Variants in MYH15 observed in about 807,000 individuals in gnomAD.
MYH15 encodes the protein myosin-15.
In MYH15, 227 loss-of-function variants were observed where a neutral mutation model predicts 240.5. The observed-to-expected ratio is 0.94, with a 90% CI of 0.85 to 1.05. MYH15 has a LOEUF of 1.05. Ranked by LOEUF, MYH15 falls within the 50% of genes least tolerant of loss-of-function variation. The pLI, the probability that MYH15 is intolerant of heterozygous loss-of-function variation, is 0.00. For synonymous variants in MYH15, 785 were observed against 796.7 expected (o/e 0.99, Z 0.25); for missense variants, 2,217 against 2,247.5 (o/e 0.99, Z 0.27).
At chr3:108,419,572 T>C (rs1487556219) in intron 28 of MYH15, among the ~76,000 whole-genome samples, 1 of 152,222 alleles carries the variant, frequency 6.6e-6, no homozygotes, top group African/African-American at 2.4e-5. Flanking sequence ...GGAGTCTACA[T>C]ACCAACTAAA....
At position 108,505,838 on chromosome 3, in the gene MYH15, C is replaced by CAA. The variant is rs55971936; in HGVS notation, c.89-11_89-10dup. ...CCAGCATTTCTTCTTCCCTGTAGAG[C>CAA]AAAAAAAAAAAAAAATGGATTATAG... is the stretch of plus-strand genomic sequence containing the variant. On this transcript the variant is annotated splice_polypyrimidine_tract_variant and intron_variant, in intron 1 of 40. Coordinates refer to ENST00000693548, the MANE Select transcript of MYH15 (RefSeq NM_014981.3). The CAA allele has an allele frequency of 0.05, 63,973 of 1,268,166 alleles. 1,928 individuals are homozygous for CAA. Among genetic ancestry groups the CAA allele is most frequent in the East Asian group, 0.3 (11,089 of 36,666 alleles). 78.6% of individuals were successfully genotyped at this position (1,268,166 alleles called of 1,614,324 possible).
chr3:108,469,782 G>A (rs890057863), intron 14 of MYH15, among the ~76,000 whole-genome samples: 1 of 152,180 alleles, frequency 6.6e-6, no homozygotes, highest in Non-Finnish European at 1.5e-5. Flanking sequence ...TTCCGCTCAC[G>A]TTAACAGTGG....
chr3:108,427,807 G>C (rs1035400410), intron 27 of MYH15, among the ~76,000 whole-genome samples: 2 of 152,206 alleles, frequency 1.3e-5, no homozygotes, highest in African/African-American at 2.4e-5. Flanking sequence ...GTCAGGCCAT[G>C]TCTTTCCCAG....
chr3:108,472,720 G>A (rs556971276), intron 12 of MYH15, among the ~76,000 whole-genome samples: 14 of 152,276 alleles, frequency 9.2e-5, no homozygotes, highest in Non-Finnish European at 2.1e-4. Flanking sequence ...AGAAACACAA[G>A]AAGAAAGCCT....
chr3:108,509,474 T>C (rs2083505477), intron 1 of MYH15, among the ~76,000 whole-genome samples: 1 of 152,184 alleles, frequency 6.6e-6, no homozygotes, highest in Non-Finnish European at 1.5e-5. Context: ...TAGCCTAAAA[T>C]CCAATCACAG....
At chr3:108,447,619 T>C (rs1279667353) in intron 21 of MYH15, among the ~76,000 whole-genome samples, 1 of 151,644 alleles carries the variant, frequency 6.6e-6, no homozygotes, top group East Asian at 1.9e-4. Context: ...AGAAATACTG[T>C]ATCCAGCAAG....
chr3:108,408,407 G>A lies in MYH15; in HGVS notation c.4496-3C>T. On this transcript the variant is annotated splice_polypyrimidine_tract_variant and splice_region_variant and intron_variant, in intron 31 of 40. Transcript: ENST00000693548. ...GTTTGTCAGATTAGAAATCTCTTCT[G>A]GAGACAGAGGTAAGAAAAACAAAGT... 2 of 1,604,822 alleles carry A rather than the reference G, an allele frequency of 1.2e-6. No individual in the cohort carries two copies. Among genetic ancestry groups the A allele is most frequent in the East Asian group, 2.2e-5 (1 of 44,790 alleles).
chr3:108,389,847 G>T (rs1039923805), intron 37 of MYH15, among the ~76,000 whole-genome samples: 1 of 152,070 alleles, frequency 6.6e-6, no homozygotes, highest in Non-Finnish European at 1.5e-5. Context: ...TCTCCTTGAC[G>T]CCAATGCCAC....
the MYH15 span, among the ~76,000 whole-genome samples, chr3:108,547,080 C>CATATAT: frequency 5.2e-3 from 778 of 148,952 alleles, 6 homozygotes; most frequent in African/African-American, 0.018. Flanking sequence ...AAAAATAGGC[C>CATATAT]ATATATATAT....
chr3:108,518,642 T>G lies in MYH15; in HGVS notation c.-57-8055A>C, dbSNP rs2083592825. Among the ~76,000 whole-genome samples the G allele has an allele frequency of 9.9e-5, 15 of 152,278 alleles. No homozygotes were observed. In the South Asian group the frequency reaches 3.1e-3, roughly 32 times the overall value. ...GTCTCATCCCCAGGCCTGACCTGGCTGGGGCACTACTAGTAGATGCCAACA... is the reference window on the plus strand; with the variant it reads ...GTCTCATCCCCAGGCCTGACCTGGCGGGGGCACTACTAGTAGATGCCAACA... On this transcript the variant is annotated intron_variant, in intron 1 of 41. Coordinates refer to the MYH15 transcript ENST00000273353.
rs956051156 is a variant in MYH15 at position 108,444,708 on chromosome 3, C to T, written c.2587G>A (p.Glu863Lys). The T allele has an allele frequency of 1.9e-6, 3 of 1,613,852 alleles. No individual in the cohort carries two copies. The highest frequency in any genetic ancestry group is 1.7e-5 in the Admixed American group (1 of 59,978). The change falls in exon 22 of 41, where the codon GAG (glutamate) becomes AAG (lysine). Residue 863 changes from glutamate to lysine, a missense_variant. By Grantham distance (56) the Glu-to-Lys change is moderately conservative (BLOSUM62 1). Transcript: ENST00000693548. ...KALEKSEFQREELKAKQVSLT... is the reference protein window; with the variant it reads ...KALEKSEFQRKELKAKQVSLT... ...GATACTTGCTTTGCTTTCAGTTCCT[C>T]CCTCTGAAACTCTGATTTCTCCAAG...
upstream of MYH15, among the ~76,000 whole-genome samples, chr3:108,511,012 G>T (rs2083518953): frequency 1.3e-5 from 2 of 152,084 alleles, no homozygotes; most frequent in Admixed American, 1.3e-4. Context: ...AGAAGTGCCT[G>T]TAGTCAGTGA....
chr3:108,492,913 G>C (rs1234028543), intron 8 of MYH15, among the ~76,000 whole-genome samples: 1 of 151,754 alleles, frequency 6.6e-6, no homozygotes, highest in Non-Finnish European at 1.5e-5. Context: ...TCATGCCACG[G>C]CACTCCAGCC....
At chr3:108,458,013 A>G (rs918303246) in intron 18 of MYH15, among the ~76,000 whole-genome samples, 1 of 152,084 alleles carries the variant, frequency 6.6e-6, no homozygotes, top group African/African-American at 2.4e-5. Context: ...CAGCCACTGC[A>G]CTCTAGTCTC....
In MYH15 at chr3:108,498,051, C is replaced by T. The variant is rs1451253082; in HGVS notation, c.618+1G>A. 1.9e-6 allele frequency: 3 copies of T among 1,613,592 alleles called. No individual in the cohort carries two copies. Among genetic ancestry groups the T allele is most frequent in the Non-Finnish European group, 2.5e-6 (3 of 1,179,542 alleles). The stretch of plus-strand genomic sequence containing the variant: ...TTCTACCAAGCTATATAAACACTTA[C>T]CTGCTTTTTCCTGGATTCAATCATG... On this transcript the variant is annotated splice_donor_variant, in intron 6 of 40. Transcript: ENST00000693548. LOFTEE classifies it high-confidence loss of function.
At chr3:108,402,984 C>T (rs937493463) in intron 33 of MYH15, among the ~76,000 whole-genome samples, 1 of 152,170 alleles carries the variant, frequency 6.6e-6, no homozygotes, top group Non-Finnish European at 1.5e-5. Flanking sequence ...CCTACCTCTA[C>T]CTGTGTCAAC....
chr3:108,427,635 C>CACACAGAG (rs570359637), intron 27 of MYH15, among the ~76,000 whole-genome samples: 37,720 of 146,180 alleles, frequency 0.26, 5,168 homozygotes, highest in Non-Finnish European at 0.31. Context: ...CACACACACA[C>CACACAGAG]AGAGAGAGAG....
chr3:108,533,374 A>G (rs1004417166), upstream of MYH15, among the ~76,000 whole-genome samples: 4 of 152,124 alleles, frequency 2.6e-5, no homozygotes, highest in Non-Finnish European at 5.9e-5. Context: ...GATCCTGGGC[A>G]GTTTACTTAA....
intron 12 of MYH15, among the ~76,000 whole-genome samples, chr3:108,474,016 C>G (rs141645624): frequency 6.6e-6 from 1 of 152,222 alleles, no homozygotes; most frequent in Non-Finnish European, 1.5e-5. Flanking sequence ...CAAAGTTGTT[C>G]AACCACTTCA....
Sources: gnomAD v4.1 joint callset for allele counts (sites outside exome capture counted in the v4.1 genomes callset) on GRCh38, gnomAD v4.1.1 for gene constraint, MANE v1.5 for transcripts, NCBI Gene and HGNC (gene_info 2026-07-23, HGNC 2026-07-21) for gene names.